Variants in SCN1A observed in about 807,000 individuals in gnomAD.
SCN1A encodes sodium channel protein type 1 subunit alpha.
SCN1A carries 13 observed loss-of-function variants against 193.7 expected under a neutral mutation model. The observed-to-expected ratio is 0.07, with a 90% CI of 0.04 to 0.11. The LOEUF is 0.11. Among genes scored for constraint, SCN1A ranks in the 10% least tolerant of loss-of-function variants. The probability of loss-of-function intolerance (pLI) is 1.00; values close to 1 mark genes in which losing one functional copy is unlikely to be tolerated. For missense variants in SCN1A, 1,432 were observed against 2,451.1 expected (o/e 0.58, Z 8.78); for synonymous variants, 781 against 843.6 (o/e 0.93, Z 1.29).
chr2:166,020,074 C>A (rs1425432024), intron 19 of SCN1A, among the ~76,000 whole-genome samples: 2 of 151,996 alleles, frequency 1.3e-5, no homozygotes, highest in African/African-American at 4.8e-5. Context: ...CCATGCCCGG[C>A]TAATTTTTTG....
chr2:166,051,481 T>C (rs1169030291), intron 9 of SCN1A, among the ~76,000 whole-genome samples: 2 of 152,010 alleles, frequency 1.3e-5, no homozygotes, highest in Non-Finnish European at 2.9e-5. Flanking sequence ...TGATAGTAAT[T>C]CTTTTTTAGA....
intron 19 of SCN1A, among the ~76,000 whole-genome samples, chr2:166,033,760 C>A (rs1008734633): frequency 2.7e-5 from 4 of 150,158 alleles, no homozygotes; most frequent in African/African-American, 1.0e-4. Flanking sequence ...TATAAAAAAA[C>A]AATAAGAGTA....
chr2:166,120,822 G>A (rs1245360288), intron 2 of SCN1A, among the ~76,000 whole-genome samples: 1 of 151,444 alleles, frequency 6.6e-6, no homozygotes, highest in Non-Finnish European at 1.5e-5. Flanking sequence ...CACCATGTTG[G>A]CCAGGCTGGT....
At chr2:166,119,105 G>A (rs767859100) in intron 2 of SCN1A, among the ~76,000 whole-genome samples, 4 of 152,162 alleles carry the variant, frequency 2.6e-5, no homozygotes, top group Non-Finnish European at 4.4e-5. Flanking sequence ...AGGCTGTAAT[G>A]CTCCCTGGCC....
intron 19 of SCN1A, among the ~76,000 whole-genome samples, chr2:166,019,098 T>C (rs1023727216): frequency 6.6e-6 from 1 of 152,166 alleles, no homozygotes; most frequent in African/African-American, 2.4e-5. Context: ...CTCCAAATTG[T>C]AAAACATTAA....
At chr2:166,110,171 TAAA>T (rs35915725) in intron 2 of SCN1A, among the ~76,000 whole-genome samples, 1 of 151,780 alleles carries the variant, frequency 6.6e-6, no homozygotes, top group African/African-American at 2.4e-5. Flanking sequence ...GCCATACAAA[TAAA>T]AAAAATTTTT....
At chr2:166,120,761 A>C (rs1209778152) in intron 2 of SCN1A, among the ~76,000 whole-genome samples, 3 of 151,356 alleles carry the variant, frequency 2.0e-5, no homozygotes, top group African/African-American at 7.3e-5. Flanking sequence ...CTGCAGGTGC[A>C]CACCACCATG....
At chr2:166,098,575 GA>G (rs915737134) in intron 2 of SCN1A, among the ~76,000 whole-genome samples, 6 of 152,064 alleles carry the variant, frequency 3.9e-5, no homozygotes, top group African/African-American at 1.4e-4. Context: ...ATCTCTCTTT[GA>G]AAATGATATG....
In SCN1A at chr2:166,037,898, G is replaced by A. The variant is rs1432000113; in HGVS notation, c.2824C>T (p.Leu942=). The change falls in exon 18 of 29, where the codon CTG becomes TTG. Residue 942 remains leucine (L), a synonymous_variant. Transcript: ENST00000674923. ...CCACACAGCACGCGGAACACAATCA[G>A]GAAGGAGTGGAAGAAGTCATTCATG... ...WHMNDFFHSF[L]IVFRVLCGEW... The A allele has an allele frequency of 6.2e-7, 1 of 1,614,160 alleles. No individual in the cohort carries two copies. Among genetic ancestry groups the A allele is most frequent in the South Asian group, 1.1e-5 (1 of 91,084 alleles).
At position 166,043,884 on chromosome 2, in the gene SCN1A, C is replaced by G; in HGVS notation, c.1828G>C (p.Val610Leu). The change falls in exon 14 of 29, where the codon GTG becomes CTG. Residue 610 changes from valine to leucine, a missense_variant. Physicochemically the swap from Val to Leu is conservative, Grantham distance 32. Coordinates refer to ENST00000674923, the MANE Select transcript of SCN1A (RefSeq NM_001165963.4). Reference protein sequence around the residue: ...DNESRRDSLFVPRRHGERRNS... With the variant: ...DNESRRDSLFLPRRHGERRNS... ...CGTCTCTCTCCGTGTCGTCGGGGCA[C>G]AAACAAGGAATCTCTACGGCTCTCG... The G allele has an allele frequency of 6.2e-7, 1 of 1,614,156 alleles. No homozygotes were observed. Among genetic ancestry groups the G allele is most frequent in the Non-Finnish European group, 8.5e-7 (1 of 1,180,020 alleles).
chr2:166,084,973 G>T (rs1050994330), intron 2 of SCN1A, among the ~76,000 whole-genome samples: 19 of 152,160 alleles, frequency 1.2e-4, no homozygotes, highest in African/African-American at 4.6e-4. Context: ...GCTAGGTGGA[G>T]AGTGCTAAGT....
chr2:166,019,603 A>G (rs565304050), intron 19 of SCN1A, among the ~76,000 whole-genome samples: 44 of 152,134 alleles, frequency 2.9e-4, no homozygotes, highest in Admixed American at 1.3e-3. Context: ...TGAAATAACT[A>G]TTTTCTCAGT....
chr2:166,066,849 C>T (rs4667869), intron 4 of SCN1A, among the ~76,000 whole-genome samples: 2 of 151,980 alleles, frequency 1.3e-5, no homozygotes, highest in South Asian at 4.1e-4. Context: ...TACCTAAATA[C>T]TTGTTGGGAA....
Position 165,992,333 on chromosome 2 carries a change from G to A in SCN1A, c.4942C>T (p.Arg1648Cys), listed in dbSNP as rs121918791. Residue 1648 changes from arginine to cysteine, a missense_variant, in exon 29 of 29, where the codon CGT becomes TGT. Transcript: ENST00000674923. This position sits in a 1 kb window ranked among gnomAD's most constrained non-coding sequence, Gnocchi z 6.5. ...IRLARIGRIL[R>C]LIKGAKGIRT... is the part of the protein sequence containing the mutation. Reference sequence around the variant, plus strand: ...ATCCCCTTTGCTCCTTTGATCAGACGTAGGATTCGGCCAATCCTAGCAAGA... The same window carrying A: ...ATCCCCTTTGCTCCTTTGATCAGACATAGGATTCGGCCAATCCTAGCAAGA... The A allele has an allele frequency of 6.2e-7, 1 of 1,613,718 alleles. No homozygotes were observed. Among genetic ancestry groups the A allele is most frequent in the South Asian group, 1.1e-5 (1 of 91,084 alleles).
rs533839584 is a variant in SCN1A, at chr2:166,079,333, C to T, written c.-141-1532G>A. ...TCTTTGGAGTGAATTGAACCCTGTA[C>T]TTCCTTAAATGGCCCTTGTTTATCT... On this transcript the variant is annotated intron_variant, in intron 2 of 28. Transcript: ENST00000674923. Among the ~76,000 whole-genome samples the T allele has an allele frequency of 5.3e-5, 8 of 150,554 alleles. No homozygotes were observed. In the East Asian group the frequency reaches 1.4e-3, roughly 26 times the overall value.
intron 2 of SCN1A, chr2:166,104,461 G>A (rs1457168526): frequency 6.6e-6 from 1 of 152,126 alleles, no homozygotes; most frequent in African/African-American, 2.4e-5. Flanking sequence ...AAGTAAATGG[G>A]GCTGGGCATG....
At chr2:166,118,162 G>A (rs1475653299) in intron 2 of SCN1A, among the ~76,000 whole-genome samples, 2 of 150,386 alleles carry the variant, frequency 1.3e-5, no homozygotes, top group Non-Finnish European at 3.0e-5. Context: ...GAGAGAGAGA[G>A]AGTCAGGGAG....
intron 20 of SCN1A, among the ~76,000 whole-genome samples, chr2:166,014,718 AAAG>A (rs1299053014): frequency 6.6e-6 from 1 of 151,084 alleles, no homozygotes; most frequent in African/African-American, 2.4e-5. Context: ...AGGAGGAAGA[AAAG>A]AAGGGAAGGA....
chr2:166,111,645 G>A (rs1013476523), intron 2 of SCN1A, among the ~76,000 whole-genome samples: 3 of 152,076 alleles, frequency 2.0e-5, no homozygotes, highest in African/African-American at 7.2e-5. Context: ...CTGCTATAGA[G>A]AGTGATTCCT....
Sources: allele counts gnomAD v4.1 joint callset (sites outside exome capture counted in the v4.1 genomes callset), GRCh38; gene constraint gnomAD v4.1.1; non-coding constraint Gnocchi (gnomAD v3.1); transcripts MANE v1.5; gene names NCBI Gene and HGNC (gene_info 2026-07-23, HGNC 2026-07-21).